CA10: variants seen among roughly 807,000 people sequenced by gnomAD.
CA10 encodes carbonic anhydrase 10 (inactive).
CA10 carries 14 observed loss-of-function variants against 44.2 expected under a neutral mutation model. The ratio of observed to expected loss-of-function variants is 0.32; its 90% CI spans 0.21 to 0.50. CA10 has a LOEUF of 0.50. Ranked by LOEUF, CA10 falls within the 20% of genes least tolerant of loss-of-function variation. CA10 has a pLI of 0.99. For missense variants in CA10, 350 were observed against 409.7 expected (o/e 0.85, Z 1.26); for synonymous variants, 159 against 141.6 (o/e 1.12, Z -0.87).
chr17:51,700,791 A>G (rs1401463692), intron 4 of CA10, among the ~76,000 whole-genome samples: 3 of 152,246 alleles, frequency 2.0e-5, no homozygotes, highest in South Asian at 2.1e-4. Context: ...GCTGGAAGCC[A>G]TTATCCTTAG....
At chr17:51,995,073 A>G (rs1048520506) in intron 2 of CA10, among the ~76,000 whole-genome samples, 5 of 152,054 alleles carry the variant, frequency 3.3e-5, no homozygotes, top group African/African-American at 1.2e-4. Context: ...TGTGATGGCA[A>G]CCCAGAGATC....
intron 3 of CA10, among the ~76,000 whole-genome samples, chr17:51,822,445 CAA>C (rs566115385): frequency 6.7e-6 from 1 of 149,446 alleles, no homozygotes; most frequent in African/African-American, 2.5e-5. Context: ...AAAACAAAAA[CAA>C]AAAAACAAAC....
chr17:51,782,539 A>G (rs915292061), intron 3 of CA10, among the ~76,000 whole-genome samples: 1 of 152,240 alleles, frequency 6.6e-6, no homozygotes, highest in Non-Finnish European at 1.5e-5. Flanking sequence ...TGATAAGAAA[A>G]GGCCAAGCTT....
intron 1 of CA10, among the ~76,000 whole-genome samples, chr17:52,087,297 C>T (rs536000379): frequency 2.0e-5 from 3 of 152,284 alleles, no homozygotes; most frequent in East Asian, 1.9e-4. Context: ...TGTGCCACCA[C>T]ACCCGGCTAA....
chr17:52,140,642 C>T (rs1989458078), intron 1 of CA10, among the ~76,000 whole-genome samples: 1 of 152,192 alleles, frequency 6.6e-6, no homozygotes, highest in Admixed American at 6.5e-5. Context: ...AGCCCCTGCT[C>T]TAGAGTTCCA....
chr17:52,014,713 A>C (rs1250997213), intron 2 of CA10, among the ~76,000 whole-genome samples: 1 of 142,894 alleles, frequency 7.0e-6, no homozygotes, highest in Non-Finnish European at 1.5e-5. Context: ...AAGTGATATA[A>C]TATTAGTATC....
intron 3 of CA10, among the ~76,000 whole-genome samples, chr17:51,801,491 T>TA (rs56836202): frequency 0.028 from 4,193 of 150,330 alleles, 191 homozygotes; most frequent in African/African-American, 0.094. Context: ...GGAAAAAAAT[T>TA]AAAAAAAAAC....
chr17:51,666,473 T>C (rs1176996491), intron 4 of CA10, among the ~76,000 whole-genome samples: 1 of 152,186 alleles, frequency 6.6e-6, no homozygotes, highest in Admixed American at 6.5e-5. Context: ...TGACACTCGA[T>C]TGAAAACTCT....
chr17:51,885,301 A>C (rs1598099731), intron 3 of CA10, among the ~76,000 whole-genome samples: 1 of 152,302 alleles, frequency 6.6e-6, no homozygotes, highest in East Asian at 1.9e-4. Flanking sequence ...CAAGAGGACG[A>C]AGGTCCAAAC....
chr17:51,931,973 T>C (rs1567890277), intron 2 of CA10, among the ~76,000 whole-genome samples: 1 of 152,116 alleles, frequency 6.6e-6, no homozygotes, highest in Non-Finnish European at 1.5e-5. Context: ...CCCTGCCCCT[T>C]TCAGTACTTC....
chr17:51,894,224 G>A (rs976035677), intron 3 of CA10, among the ~76,000 whole-genome samples: 13 of 152,184 alleles, frequency 8.5e-5, no homozygotes, highest in African/African-American at 2.9e-4. Flanking sequence ...AGATCAGGGG[G>A]CAGAGAAAGG....
rs555061441 is a variant in CA10, at chr17:52,006,641, A to G, written c.136+65678T>C. Among the ~76,000 whole-genome samples, 4 of 151,974 alleles carry G rather than the reference A, an allele frequency of 2.6e-5. No individual in the cohort carries two copies. The East Asian group carries it at 5.8e-4, about 22-fold the overall frequency. ...CATAACACATAGCATTTGAGTTTTA[A>G]AAAGTTTTACATAAATGTAATCATA... On this transcript the variant is annotated intron_variant, in intron 2 of 8. Transcript: ENST00000451037.
At chr17:51,746,693 C>T (rs752745168) in intron 4 of CA10, among the ~76,000 whole-genome samples, 5 of 152,148 alleles carry the variant, frequency 3.3e-5, no homozygotes, top group Non-Finnish European at 5.9e-5. Flanking sequence ...AGCTGAGTGC[C>T]TAGGCAGGCT....
chr17:51,912,873 A>C (rs375951279), intron 3 of CA10, among the ~76,000 whole-genome samples: 2 of 152,104 alleles, frequency 1.3e-5, no homozygotes, highest in Admixed American at 6.5e-5. Context: ...TCCATCTAAA[A>C]CTCAAAGTAC....
intron 2 of CA10, among the ~76,000 whole-genome samples, chr17:52,032,805 G>A (rs4538057): frequency 0.33 from 49,961 of 151,982 alleles, 9,986 homozygotes; most frequent in East Asian, 0.74. Context: ...GGCCAACATG[G>A]GATGTCAATA....
At chr17:52,018,792 A>G (rs1261830356) in intron 2 of CA10, among the ~76,000 whole-genome samples, 1 of 152,024 alleles carries the variant, frequency 6.6e-6, no homozygotes, top group East Asian at 1.9e-4. Flanking sequence ...TATGGTATGG[A>G]TATTTTGCCA....
At chr17:52,029,597 CACCAAAGATT>C (rs1409030720) in intron 2 of CA10, among the ~76,000 whole-genome samples, 1 of 143,908 alleles carries the variant, frequency 6.9e-6, no homozygotes, top group Non-Finnish European at 1.5e-5. Flanking sequence ...ATCTGTAAAA[CACCAAAGATT>C]GCCATCCCCA....
In CA10 at chr17:51,920,730, C is replaced by T. The variant is rs532990239; in HGVS notation, c.279+10260G>A. Among the ~76,000 whole-genome samples the T allele has an allele frequency of 5.9e-5, 9 of 152,326 alleles. No individual in the cohort carries two copies. In the East Asian group the frequency reaches 9.7e-4, roughly 16 times the overall value. ...ATGGTGCATGAGAACCTGATACCCA[C>T]AACAGAATGCTTCTGCACTGAATCC... On this transcript the variant is annotated intron_variant, in intron 3 of 8. Coordinates refer to ENST00000451037, the MANE Select transcript of CA10 (RefSeq NM_020178.5).
chr17:52,020,713 T>C (rs1265013003), intron 2 of CA10, among the ~76,000 whole-genome samples: 1 of 151,880 alleles, frequency 6.6e-6, no homozygotes, highest in East Asian at 1.9e-4. Flanking sequence ...CATGGATATA[T>C]TGCATGATGC....
Sources: allele counts gnomAD v4.1 joint callset (sites outside exome capture counted in the v4.1 genomes callset), GRCh38; gene constraint gnomAD v4.1.1; transcripts MANE v1.5; gene names NCBI Gene and HGNC (gene_info 2026-07-23, HGNC 2026-07-21).